The following PCNT variants were observed in gnomAD, a reference collection of about 807,000 sequenced individuals.
PCNT encodes pericentrin, also known as kendrin.
In PCNT, 319 loss-of-function variants were observed where a neutral mutation model predicts 380.4. That is an observed-to-expected ratio of 0.84 (90% CI 0.77 to 0.92). The LOEUF (loss-of-function observed/expected upper bound fraction) is 0.92. Among genes scored for constraint, PCNT ranks in the 40% least tolerant of loss-of-function variants. The pLI is 0.00. For synonymous variants in PCNT, 1,845 were observed against 1,735.2 expected, an observed-to-expected ratio of 1.06 and a Z score of -1.57; for missense variants, 4,400 against 4,255.3, an observed-to-expected ratio of 1.03 and a Z score of -0.95.
Position 46,416,249 on chromosome 21 carries a change from A to G in PCNT, c.6331A>G (p.Ser2111Gly). The G allele has an allele frequency of 6.2e-7, 1 of 1,614,158 alleles. No individual in the cohort carries two copies. The highest frequency in any genetic ancestry group is 8.5e-7 in the Non-Finnish European group (1 of 1,180,022). Residue 2111 changes from serine to glycine, a missense_variant, in exon 30 of 47, where the codon AGT becomes GGT. Ser to Gly is a moderately conservative substitution (Grantham distance 56, BLOSUM62 0). Coordinates refer to ENST00000359568, the MANE Select transcript of PCNT (RefSeq NM_006031.6). ...AGCACACCTGTTGGAGAGCAGCTGG[A>G]GTGATGATTCCTGTGACGGAGAAGA... Reference protein sequence around the residue: ...ASAHLLESSWSDDSCDGEEPD... With the variant: ...ASAHLLESSWGDDSCDGEEPD...
At chr21:46,413,741 G>T (rs1361731484) in intron 29 of PCNT, among the ~76,000 whole-genome samples, 1 of 152,172 alleles carries the variant, frequency 6.6e-6, no homozygotes, top group African/African-American at 2.4e-5. Flanking sequence ...ATTTATTCTT[G>T]TAATCTGTTC....
rs1215264897 is a variant in PCNT, at chr21:46,400,512, C to CTT, written c.4791+739_4791+740dup. ...GAGTCTTTCTCAGGTGTGTCTGATT[C>CTT]TTTTTTTTTTTTTTTTTTTTTTTTG... On this transcript the variant is annotated intron_variant, in intron 25 of 46. Transcript: ENST00000359568. 3.8e-3 allele frequency among the ~76,000 whole-genome samples: 320 copies of CTT among 84,530 alleles called. 1 individual carries two copies. Among genetic ancestry groups the CTT allele is most frequent in the Middle Eastern group, 7.5e-3 (1 of 134 alleles). The allele number at this position is 84,530 out of a possible 152,430, so 55.5% of individuals were successfully genotyped here. A position where few individuals can be genotyped will look rare whatever the true frequency, so the allele number is the denominator to read the frequency against.
intron 32 of PCNT, among the ~76,000 whole-genome samples, chr21:46,424,756 C>A (rs2087423415): frequency 6.7e-6 from 1 of 149,108 alleles, no homozygotes; most frequent in Non-Finnish European, 1.5e-5. Context: ...CTTGCTCCCC[C>A]CGTCTCCGCT....
At position 46,332,925 on chromosome 21, in the gene PCNT, T is replaced by C. The variant is rs150892726; in HGVS notation, c.268-1472T>C. Among the ~76,000 whole-genome samples, 1,357 of 152,048 alleles carry C rather than the reference T, an allele frequency of 8.9e-3. 10 individuals carry two copies. Among genetic ancestry groups the C allele is most frequent in the Non-Finnish European group, 0.014 (966 of 67,988 alleles). ...GGATTTTGAGGCCAGCTTTGGAACA[T>C]AATGAACAGAGACCCTGTCTCTACA... On this transcript the variant is annotated intron_variant, in intron 2 of 46. Transcript: ENST00000359568.
intron 2 of PCNT, among the ~76,000 whole-genome samples, chr21:46,331,414 A>G (rs2083556420): frequency 6.6e-6 from 1 of 152,222 alleles, no homozygotes; most frequent in Non-Finnish European, 1.5e-5. Context: ...ACTTTGTGGT[A>G]AATATTCAGG....
chr21:46,401,460 A>G, intron 25 of PCNT, 91 bp from the exon 26 acceptor site: 2 of 1,035,828 alleles, frequency 1.9e-6, no homozygotes, highest in South Asian at 1.3e-5. Context: ...CTTCAGGTGC[A>G]GCTAAAGATG....
At position 46,366,982 on chromosome 21, in the gene PCNT, A is replaced by C. The variant is rs766102490; in HGVS notation, c.3008A>C (p.Lys1003Thr). The C allele has an allele frequency of 1.4e-5, 22 of 1,614,110 alleles. No homozygotes were observed. In the Middle Eastern group the frequency reaches 1.2e-3, roughly 84 times the overall value. The change falls in exon 15 of 47, where the codon AAA becomes ACA. Residue 1003 changes from lysine (K) to threonine (T), a missense_variant. Coordinates refer to ENST00000359568, the MANE Select transcript of PCNT (RefSeq NM_006031.6). ...LRADFEEQLW[K>T]KDSLHQTILT... Reference sequence around the variant, plus strand: ...GCAGACTTTGAGGAACAACTGTGGAAAAAGGACTCTCTTCACCAAACGATT... The same window carrying C: ...GCAGACTTTGAGGAACAACTGTGGACAAAGGACTCTCTTCACCAAACGATT...
Position 46,368,463 on chromosome 21 carries a change from G to T in PCNT, c.3165+1324G>T, listed in dbSNP as rs533522591. ...ACTCTGTCTCAAAAAAAAAAAAGCGGTGATGGTTCATTTGACAGGCACTTC... is the reference window on the plus strand; with the variant it reads ...ACTCTGTCTCAAAAAAAAAAAAGCGTTGATGGTTCATTTGACAGGCACTTC... On this transcript the variant is annotated intron_variant, in intron 15 of 46. Coordinates refer to ENST00000359568, the MANE Select transcript of PCNT (RefSeq NM_006031.6). Among the ~76,000 whole-genome samples, 4 of 152,122 alleles carry T rather than the reference G, an allele frequency of 2.6e-5. No individual in the cohort carries two copies. In the South Asian group the frequency reaches 8.3e-4, roughly 32 times the overall value.
intron 43 of PCNT, among the ~76,000 whole-genome samples, chr21:46,441,993 T>C (rs1216808745): frequency 6.6e-6 from 1 of 152,166 alleles, no homozygotes; most frequent in Non-Finnish European, 1.5e-5. Context: ...TCTGGGGCCC[T>C]GCACACTGAC....
Position 46,427,485 on chromosome 21 carries a change from C to T in PCNT, c.7321-137C>T, listed in dbSNP as rs2087557383. 6 of 908,392 alleles carry T rather than the reference C, an allele frequency of 6.6e-6. No individual in the cohort carries two copies. The South Asian group carries it at 7.0e-5, about 11-fold the overall frequency. 56.3% of individuals were successfully genotyped at this position (908,392 alleles called of 1,614,324 possible). ...AGCGAGTGAGCTCTGGTGTCTCTTC[C>T]TCTTCTTAAGAGGCCTCATTTACCC... On this transcript the variant is annotated intron_variant, in intron 33 of 46. Coordinates refer to ENST00000359568, the MANE Select transcript of PCNT (RefSeq NM_006031.6).
intron 41 of PCNT, among the ~76,000 whole-genome samples, chr21:46,438,998 T>G (rs2053537632): frequency 6.6e-6 from 1 of 152,194 alleles, no homozygotes; most frequent in African/African-American, 2.4e-5. Flanking sequence ...CATAATGGTA[T>G]AGTTGGATAG....
rs755641616 is a variant in PCNT, at chr21:46,324,261, G to C, written c.33G>C (p.Lys11Asn). Residue 11 changes from lysine to asparagine, a missense_variant, in exon 1 of 47, where the codon AAG becomes AAC. Physicochemically the swap from Lys to Asn is moderately conservative, Grantham distance 94 (BLOSUM62 0). Coordinates refer to ENST00000359568, the MANE Select transcript of PCNT (RefSeq NM_006031.6). ...TTGAGCAAGAGCAGCGGCGCAGAAA[G>C]GTGGAGGCCGGGAGGACGAAGGTAA... MEVEQEQRRR[K>N]VEAGRTKLAH... 1 of 1,611,972 alleles carries C rather than the reference G, an allele frequency of 6.2e-7. No individual in the cohort carries two copies.
chr21:46,346,682 C>G, intron 4 of PCNT, 61 bp from the exon 5 acceptor site: 1 of 1,547,766 alleles, frequency 6.5e-7, no homozygotes, highest in Non-Finnish European at 8.7e-7. Flanking sequence ...GCTTCTGTGT[C>G]TCCCTGATGC....
Position 46,424,739 on chromosome 21 carries a change from C to G in PCNT, c.7180-1092C>G, listed in dbSNP as rs918015885. 2.7e-5 allele frequency among the ~76,000 whole-genome samples: 4 copies of G among 146,422 alleles called. No homozygotes were observed. In the Admixed American group the frequency reaches 2.7e-4, roughly 10 times the overall value. ...GCCCCCCCCAACCCTGCTCCCCCAG[C>G]CACGGCCTTGCTCCCCCCGTCTCCG... is the stretch of plus-strand genomic sequence containing the variant. On this transcript the variant is annotated intron_variant, in intron 32 of 46. Transcript: ENST00000359568.
At chr21:46,434,223 G>A (rs1333841758) in intron 38 of PCNT, among the ~76,000 whole-genome samples, 1 of 152,206 alleles carries the variant, frequency 6.6e-6, no homozygotes, top group East Asian at 1.9e-4. Flanking sequence ...TAGTTCCTCT[G>A]TATCTTACTT....
intron 16 of PCNT, among the ~76,000 whole-genome samples, chr21:46,384,510 A>G (rs1316157452): frequency 2.9e-3 from 241 of 82,444 alleles, no homozygotes; most frequent in Middle Eastern, 0.025. Context: ...ACATTCAGTG[A>G]CGGAAGAGCA....
At chr21:46,393,299 C>T (rs1445146854) in intron 21 of PCNT, among the ~76,000 whole-genome samples, 2 of 152,204 alleles carry the variant, frequency 1.3e-5, no homozygotes, top group Non-Finnish European at 2.9e-5. Context: ...CCTCGTTTTC[C>T]TGCATCTCCT....
chr21:46,419,661 T>C (rs1175257799), intron 31 of PCNT, among the ~76,000 whole-genome samples: 1 of 152,214 alleles, frequency 6.6e-6, no homozygotes, highest in Non-Finnish European at 1.5e-5. Flanking sequence ...TCCAGGTGAA[T>C]GTCATCCAAG....
At chr21:46,345,376 C>G (rs1443485389) in intron 3 of PCNT, among the ~76,000 whole-genome samples, 2 of 152,060 alleles carry the variant, frequency 1.3e-5, no homozygotes, top group African/African-American at 4.8e-5. Flanking sequence ...CGCCACCACG[C>G]CTGGCTAATT....
Sources: allele counts gnomAD v4.1 joint callset (sites outside exome capture counted in the v4.1 genomes callset), GRCh38; gene constraint gnomAD v4.1.1; transcripts MANE v1.5; gene names NCBI Gene and HGNC (gene_info 2026-07-23, HGNC 2026-07-21).